FUNDC2: variants seen among roughly 807,000 people sequenced by gnomAD.
FUNDC2 encodes the protein FUN14 domain-containing protein 2.
In FUNDC2, 4 loss-of-function variants were observed where a neutral mutation model predicts 15.6. That is an observed-to-expected ratio of 0.26 (90% confidence interval 0.13 to 0.59). FUNDC2 has a LOEUF of 0.59. FUNDC2 is among the 20% of genes least tolerant of loss of function. The pLI, the probability that FUNDC2 is intolerant of heterozygous loss-of-function variation, is 0.90. For missense variants in FUNDC2, 98 were observed against 149.7 expected (o/e 0.65, Z 1.80); for synonymous variants, 44 against 56.9 (o/e 0.77, Z 1.02).
At chrX:155,028,413 G>A (rs2073803293) in intron 1 of FUNDC2, among the ~76,000 whole-genome samples, 1 of 111,591 alleles carries the variant, frequency 9.0e-6, no homozygotes, top group African/African-American at 3.3e-5. Flanking sequence ...CAGCCCCAGT[G>A]GAGCCACCTG....
chrX:155,035,317 G>A (rs1338108631), intron 2 of FUNDC2, among the ~76,000 whole-genome samples: 3 of 111,668 alleles, frequency 2.7e-5, no homozygotes, highest in East Asian at 2.8e-4. Context: ...GTGTGTGTGC[G>A]CATGCATATG....
Position 155,056,598 on chromosome X carries a change from A to G in FUNDC2, c.*1926A>G, listed in dbSNP as rs969594259. On this transcript the variant is annotated 3_prime_UTR_variant, in exon 5 of 5. Transcript: ENST00000369498. ...TAGACATATGTAGTGACACTGAGTC[A>G]TCTGTTTCCTGCTTCCCCACACTCT... 1 of 109,193 alleles carries G rather than the reference A, an allele frequency of 9.2e-6. No homozygotes were observed. The highest frequency in any genetic ancestry group is 9.8e-5 in the Admixed American group (1 of 10,201). 9.0% of individuals were successfully genotyped at this position (109,193 alleles called of 1,213,427 possible). A position where few individuals can be genotyped will look rare whatever the true frequency, so the allele number is the denominator to read the frequency against.
Position 155,059,735 on chromosome X carries a change from T to C in FUNDC2, c.*5063T>C, listed in dbSNP as rs782563453. ...AAACTGAAAGAAAGTCGTATACTGATACAGTTTGGAGCCACCGAATGTCAT... is the reference window on the plus strand; with the variant it reads ...AAACTGAAAGAAAGTCGTATACTGACACAGTTTGGAGCCACCGAATGTCAT... On this transcript the variant is annotated 3_prime_UTR_variant, in exon 5 of 5. Transcript: ENST00000369498. 1 of 112,532 alleles carries C rather than the reference T, an allele frequency of 8.9e-6. No homozygotes were observed. Among genetic ancestry groups the C allele is most frequent in the Admixed American group, 9.3e-5 (1 of 10,703 alleles). 9.3% of individuals were successfully genotyped at this position (112,532 alleles called of 1,213,427 possible). A position where few individuals can be genotyped will look rare whatever the true frequency, so the allele number is the denominator to read the frequency against.
chrX:155,028,493 T>C (rs960274448), intron 1 of FUNDC2, among the ~76,000 whole-genome samples: 7 of 111,682 alleles, frequency 6.3e-5, no homozygotes, highest in Non-Finnish European at 1.3e-4. Context: ...AAAAATAAAT[T>C]ATTTAACTAC....
rs2073898704 is a variant in FUNDC2 at position 155,056,558 on chromosome X, CTA to C, written c.*1894_*1895del. The C allele has an allele frequency of 9.3e-6, 1 of 107,702 alleles. No homozygotes were observed. The highest frequency in any genetic ancestry group is 4.0e-4 in the South Asian group (1 of 2,493). 8.9% of individuals were successfully genotyped at this position (107,702 alleles called of 1,213,427 possible). ...TTTTGCTTGCTATATATTTATATCTCTATATATATTGATATAGACATATGTAG... is the reference window on the plus strand; with the variant it reads ...TTTTGCTTGCTATATATTTATATCTCTATATATTGATATAGACATATGTAG... On this transcript the variant is annotated 3_prime_UTR_variant, in exon 5 of 5. Transcript: ENST00000369498.
chrX:155,042,089 A>G (rs1170919544), intron 2 of FUNDC2, among the ~76,000 whole-genome samples: 5 of 107,606 alleles, frequency 4.6e-5, no homozygotes, highest in East Asian at 2.8e-4. Flanking sequence ...AAAAAAAAGA[A>G]AAAAAAGAAA....
At chrX:155,046,714 A>G in intron 3 of FUNDC2, 130 bp downstream of exon 3, 1 of 507,603 alleles carries the variant, frequency 2.0e-6, no homozygotes, top group Non-Finnish European at 3.4e-6. Context: ...TTCATGTACT[A>G]TTTTAAATGC....
Position 155,059,515 on chromosome X carries a change from G to A in FUNDC2, c.*4843G>A, listed in dbSNP as rs1193710267. On this transcript the variant is annotated 3_prime_UTR_variant, in exon 5 of 5. Transcript: ENST00000369498. ...CCTAGAGTTCTTTGCTTAAGACTGA[G>A]ATTCAGTGTTACTCTTGGTCCCTAA... 1 of 109,547 alleles carries A rather than the reference G, an allele frequency of 9.1e-6. No individual in the cohort carries two copies. The highest frequency in any genetic ancestry group is 9.8e-5 in the Admixed American group (1 of 10,254). The allele number at this position is 109,547 out of a possible 1,213,427, so 9.0% of individuals were successfully genotyped here.
At chrX:155,054,151 A>C in intron 4 of FUNDC2, 1 of 753,276 alleles carries the variant, frequency 1.3e-6, no homozygotes, top group Non-Finnish European at 1.6e-6. Context: ...TAGGGGAGAG[A>C]CTTCAGGAAA....
chrX:155,054,393 T>A, intron 4 of FUNDC2: 1 of 748,468 alleles, frequency 1.3e-6, no homozygotes, highest in Non-Finnish European at 1.6e-6. Flanking sequence ...CACCAGCCAG[T>A]AGTCATTTTC....
At chrX:155,044,247 G>A in intron 2 of FUNDC2, among the ~76,000 whole-genome samples, 1 of 111,855 alleles carries the variant, frequency 8.9e-6, no homozygotes, top group Non-Finnish European at 1.9e-5. Flanking sequence ...TCTAGGGGGT[G>A]AAAGTGGAGG....
At chrX:155,051,927 C>G in intron 4 of FUNDC2, 126 bp downstream of exon 4, 1 of 635,188 alleles carries the variant, frequency 1.6e-6, no homozygotes, top group Non-Finnish European at 2.4e-6. Context: ...AGTAATGAGA[C>G]AAAACTAACT....
At chrX:155,028,333 C>T (rs782636365) in intron 1 of FUNDC2, among the ~76,000 whole-genome samples, 1 of 111,570 alleles carries the variant, frequency 9.0e-6, no homozygotes, top group African/African-American at 3.3e-5. Flanking sequence ...TACCTTCCCC[C>T]CTACTCCCTT....
rs186612477 is a variant in FUNDC2 at position 155,033,089 on chromosome X, C to T, written c.134-314C>T. On this transcript the variant is annotated intron_variant, in intron 1 of 4. Transcript: ENST00000369498. The stretch of plus-strand genomic sequence containing the variant: ...TTCGATCTCCTGACCTCAGGTGATT[C>T]GCCCACCTCGGCCTCCCAAAGTGCT... 2.6e-3 allele frequency: 373 copies of T among 144,818 alleles called. 1 individual carries two copies. Among genetic ancestry groups the T allele is most frequent in the African/African-American group, 0.011 (349 of 31,701 alleles). 11.9% of individuals were successfully genotyped at this position (144,818 alleles called of 1,213,427 possible). A position where few individuals can be genotyped will look rare whatever the true frequency, so the allele number is the denominator to read the frequency against.
intron 2 of FUNDC2, among the ~76,000 whole-genome samples, chrX:155,036,836 T>C (rs1428085629): frequency 9.0e-6 from 1 of 111,695 alleles, no homozygotes; most frequent in Non-Finnish European, 1.9e-5. Context: ...GGTGCCATTA[T>C]CATGCTGTTT....
chrX:155,042,532 TG>T (rs1184786707), intron 2 of FUNDC2, among the ~76,000 whole-genome samples: 3 of 111,283 alleles, frequency 2.7e-5, no homozygotes, highest in Admixed American at 1.9e-4. Flanking sequence ...TTTGGATCTG[TG>T]GGTTTATAGT....
At chrX:155,048,383 C>G (rs782097265) in intron 3 of FUNDC2, among the ~76,000 whole-genome samples, 20 of 112,100 alleles carry the variant, frequency 1.8e-4, no homozygotes, top group Non-Finnish European at 3.4e-4. Context: ...GATAATTGAG[C>G]AGAATTTAGT....
chrX:155,039,121 A>G (rs782219313), intron 2 of FUNDC2, among the ~76,000 whole-genome samples: 1 of 111,358 alleles, frequency 9.0e-6, no homozygotes, highest in African/African-American at 3.3e-5. Flanking sequence ...TTTTTCATAT[A>G]CCTTATTTAT....
intron 1 of FUNDC2, among the ~76,000 whole-genome samples, chrX:155,027,814 C>CTA (rs782031521): frequency 8.9e-6 from 1 of 111,946 alleles, no homozygotes; most frequent in Non-Finnish European, 1.9e-5. Flanking sequence ...GGAGGAGATA[C>CTA]TATACTATGG....
Sources: gnomAD v4.1 joint callset for allele counts (sites outside exome capture counted in the v4.1 genomes callset) on GRCh38, gnomAD v4.1.1 for gene constraint, MANE v1.5 for transcripts, NCBI Gene and HGNC (gene_info 2026-07-23, HGNC 2026-07-21) for gene names.